The following ABCA13 variants were observed in gnomAD, a reference collection of about 807,000 sequenced individuals.
ABCA13 encodes the protein ATP-binding cassette sub-family A member 13.
A neutral mutation model predicts 478.7 loss-of-function variants in ABCA13; 476 were observed. The ratio of observed to expected loss-of-function variants is 0.99; its 90% CI spans 0.92 to 1.07. The LOEUF (loss-of-function observed/expected upper bound fraction) is 1.07, where lower values mean the gene tolerates loss of function less well. Among genes scored for constraint, ABCA13 ranks in the 50% least tolerant of loss-of-function variants. The probability of loss-of-function intolerance (pLI) is 0.00; values close to 1 mark genes in which losing one functional copy is unlikely to be tolerated. For missense variants in ABCA13, 6,060 were observed against 5,910.6 expected, an observed-to-expected ratio of 1.03 and a Z score of -0.83; for synonymous variants, 2,252 against 2,158.9, an observed-to-expected ratio of 1.04 and a Z score of -1.20.
intron 58 of ABCA13, among the ~76,000 whole-genome samples, chr7:48,611,515 G>A (rs1456017061): frequency 6.6e-6 from 1 of 152,200 alleles, no homozygotes; most frequent in Non-Finnish European, 1.5e-5. Flanking sequence ...AGCATGGCTA[G>A]GGAGGTTTCA....
intron 23 of ABCA13, among the ~76,000 whole-genome samples, chr7:48,303,453 G>T (rs930436636): frequency 6.6e-6 from 1 of 152,044 alleles, no homozygotes; most frequent in South Asian, 2.1e-4. Flanking sequence ...GTCTTCCAGG[G>T]TTTTTATAGT....
At chr7:48,620,822 C>T (rs1054525164) in intron 59 of ABCA13, among the ~76,000 whole-genome samples, 28 of 152,070 alleles carry the variant, frequency 1.8e-4, no homozygotes, top group Non-Finnish European at 3.2e-4. Context: ...GGGTAGAGGG[C>T]GTTGCACACA....
At chr7:48,280,530 T>A (rs568952866) in intron 18 of ABCA13, among the ~76,000 whole-genome samples, 2 of 152,322 alleles carry the variant, frequency 1.3e-5, no homozygotes, top group South Asian at 4.1e-4. Context: ...CTGTGCCTCT[T>A]GATGTGCAGA....
intron 55 of ABCA13, among the ~76,000 whole-genome samples, chr7:48,542,714 T>C (rs1834021788): frequency 6.6e-6 from 1 of 151,668 alleles, no homozygotes; most frequent in East Asian, 1.9e-4. Flanking sequence ...TGTTGCTGAA[T>C]GGAAAAGCTG....
chr7:48,616,757 A>T (rs1039964272), intron 59 of ABCA13, among the ~76,000 whole-genome samples: 2 of 152,206 alleles, frequency 1.3e-5, no homozygotes, highest in African/African-American at 4.8e-5. Context: ...ATGGTGGCTC[A>T]CACCTGTAAT....
chr7:48,249,193 G>T lies in ABCA13; in HGVS notation c.1866-19G>T. 1 of 1,583,624 alleles carries T rather than the reference G, an allele frequency of 6.3e-7. No homozygotes were observed. Among genetic ancestry groups the T allele is most frequent in the Non-Finnish European group, 8.6e-7 (1 of 1,164,570 alleles). ...TCATTTTTAAATTTTAATTTTCTCT[G>T]GATTCTTTTTGATTGCAGGATATTT... On this transcript the variant is annotated intron_variant, in intron 14 of 61. Transcript: ENST00000435803.
At chr7:48,324,115 GC>G (rs1347725212) in intron 27 of ABCA13, among the ~76,000 whole-genome samples, 19 of 152,246 alleles carry the variant, frequency 1.2e-4, no homozygotes, top group African/African-American at 4.3e-4. Context: ...TTCTCAGGCT[GC>G]CATAACACAG....
At chr7:48,510,859 A>G (rs138626111) in intron 50 of ABCA13, among the ~76,000 whole-genome samples, 155 of 151,914 alleles carry the variant, frequency 1.0e-3, no homozygotes, top group African/African-American at 3.4e-3. Flanking sequence ...CTTCAAATAC[A>G]GTCACATCTT....
intron 27 of ABCA13, among the ~76,000 whole-genome samples, chr7:48,334,544 C>T (rs1267449893): frequency 6.6e-6 from 1 of 152,164 alleles, no homozygotes; most frequent in East Asian, 1.9e-4. Context: ...ATTGTGTTAG[C>T]CAGGATGGTC....
intron 50 of ABCA13, among the ~76,000 whole-genome samples, chr7:48,509,354 T>C (rs1369341143): frequency 6.6e-6 from 1 of 152,200 alleles, no homozygotes; most frequent in Non-Finnish European, 1.5e-5. Context: ...CTTGTCTCTC[T>C]GCCGTCTGTC....
Position 48,647,218 on chromosome 7 carries a change from A to G in ABCA13, c.*1706A>G, listed in dbSNP as rs1413135974. The G allele has an allele frequency of 2.0e-5, 3 of 152,210 alleles. No homozygotes were observed. Among genetic ancestry groups the G allele is most frequent in the South Asian group, 2.1e-4 (1 of 4,834 alleles). 9.4% of individuals were successfully genotyped at this position (152,210 alleles called of 1,614,324 possible). On this transcript the variant is annotated 3_prime_UTR_variant, in exon 62 of 62. Transcript: ENST00000435803. The stretch of plus-strand genomic sequence containing the variant: ...ATTAAATCTCTATTTCCTAAATATC[A>G]TTCTATACAAAAGATATTTTTTAAA...
intron 1 of ABCA13, among the ~76,000 whole-genome samples, chr7:48,177,309 T>C (rs1032079146): frequency 6.6e-5 from 10 of 152,200 alleles, no homozygotes; most frequent in African/African-American, 2.2e-4. Context: ...ATCTCTCTCA[T>C]AGTCAGGTTG....
intron 43 of ABCA13, among the ~76,000 whole-genome samples, chr7:48,460,136 A>C (rs2129926762): frequency 6.6e-6 from 1 of 151,762 alleles, no homozygotes; most frequent in South Asian, 2.1e-4. Context: ...TTCTTTAAGA[A>C]CCCAAGAGGG....
intron 4 of ABCA13, among the ~76,000 whole-genome samples, 157 bp downstream of exon 4, chr7:48,219,662 G>A (rs1025286912): frequency 6.6e-6 from 1 of 152,188 alleles, no homozygotes; most frequent in African/African-American, 2.4e-5. Context: ...ACCTGCAGAC[G>A]GTTGTGGAGG....
At chr7:48,250,082 C>G (rs1792313984) in intron 15 of ABCA13, among the ~76,000 whole-genome samples, 1 of 151,920 alleles carries the variant, frequency 6.6e-6, no homozygotes, top group Non-Finnish European at 1.5e-5. Context: ...GTACAAGTCA[C>G]AGAATGCAGA....
At chr7:48,356,471 C>A (rs945619174) in intron 31 of ABCA13, among the ~76,000 whole-genome samples, 2 of 150,938 alleles carry the variant, frequency 1.3e-5, no homozygotes, top group Non-Finnish European at 2.9e-5. Context: ...ACGGGGGGGA[C>A]AGCTGTGTCC....
At chr7:48,509,851 A>G (rs929262803) in intron 50 of ABCA13, among the ~76,000 whole-genome samples, 1 of 152,154 alleles carries the variant, frequency 6.6e-6, no homozygotes, top group South Asian at 2.1e-4. Context: ...GCCCTCCTGA[A>G]TGGGATTAAT....
At position 48,260,884 on chromosome 7, in the gene ABCA13, G is replaced by A. The variant is rs552553625; in HGVS notation, c.2006-8096G>A. 5.2e-4 allele frequency among the ~76,000 whole-genome samples: 79 copies of A among 151,912 alleles called. No homozygotes were observed. In the South Asian group the frequency reaches 0.016, roughly 31 times the overall value. On this transcript the variant is annotated intron_variant, in intron 15 of 61. Coordinates refer to ENST00000435803, the MANE Select transcript of ABCA13 (RefSeq NM_152701.5). ...TTGGAACTTGTTTCCTGGATTCTAT[G>A]TTTTATCTTTCTTGGTTTATACTCT... is the stretch of plus-strand genomic sequence containing the variant.
Position 48,273,468 on chromosome 7 carries a change from A to AAG in ABCA13, c.3804_3805dup (p.Thr1269ArgfsTer14). 6.2e-7 allele frequency: 1 copy of AAG among 1,610,744 alleles called. No homozygotes were observed. The highest frequency in any genetic ancestry group is 8.5e-7 in the Non-Finnish European group (1 of 1,178,152). The stretch of plus-strand genomic sequence containing the variant: ...CATGGAAGCTGCCCTGCATCAGTTG[A>AAG]AGACATTTCCATTCAACGAAAGTAC... On this transcript the variant is annotated frameshift_variant, in exon 17 of 62. Transcript: ENST00000435803. LOFTEE classifies it high-confidence loss of function.
Sources: allele counts gnomAD v4.1 joint callset (sites outside exome capture counted in the v4.1 genomes callset), GRCh38; gene constraint gnomAD v4.1.1; transcripts MANE v1.5; gene names NCBI Gene and HGNC (gene_info 2026-07-23, HGNC 2026-07-21).